Variants in AP1S3 observed in about 807,000 individuals in gnomAD.
The protein encoded by AP1S3 is AP-1 complex subunit sigma-3.
In AP1S3, 10 loss-of-function variants were observed where a neutral mutation model predicts 20.9. That is an observed-to-expected ratio of 0.48 (90% CI 0.29 to 0.81). The LOEUF (loss-of-function observed/expected upper bound fraction) is 0.81, where lower values mean the gene tolerates loss of function less well. Among genes scored for constraint, AP1S3 ranks in the 30% least tolerant of loss-of-function variants. The pLI is 0.08. For missense variants in AP1S3, 154 were observed against 183.8 expected (o/e 0.84, Z 0.94); for synonymous variants, 41 against 61.5 (o/e 0.67, Z 1.56).
At chr2:223,775,397 G>A (rs1262758323) in intron 3 of AP1S3, among the ~76,000 whole-genome samples, 2 of 152,122 alleles carry the variant, frequency 1.3e-5, no homozygotes, top group Non-Finnish European at 2.9e-5. Flanking sequence ...CCAGAGAAAG[G>A]ATAAAAAGTC....
chr2:223,770,646 G>T (rs1690601764), intron 3 of AP1S3, among the ~76,000 whole-genome samples: 2 of 151,124 alleles, frequency 1.3e-5, no homozygotes, highest in Non-Finnish European at 1.5e-5. Context: ...CAACACAAAA[G>T]TGCTACCCTA....
At chr2:223,820,312 C>T (rs1202895920) in intron 1 of AP1S3, among the ~76,000 whole-genome samples, 2 of 152,060 alleles carry the variant, frequency 1.3e-5, no homozygotes, top group African/African-American at 4.8e-5. Context: ...CTTAAATATA[C>T]TTAATGGCTT....
intron 1 of AP1S3, among the ~76,000 whole-genome samples, chr2:223,824,342 T>A (rs4674820): frequency 0.49 from 74,638 of 151,776 alleles, 18,426 homozygotes; most frequent in Middle Eastern, 0.57. Context: ...TATCCAAAAA[T>A]GATACATGAG....
At chr2:223,759,963 C>T (rs1358912685) in intron 4 of AP1S3, among the ~76,000 whole-genome samples, 1 of 152,130 alleles carries the variant, frequency 6.6e-6, no homozygotes, top group East Asian at 1.9e-4. Context: ...TCTTTTCATA[C>T]TGTCCATCAG....
intron 1 of AP1S3, among the ~76,000 whole-genome samples, chr2:223,822,632 C>T (rs620393): frequency 0.041 from 6,296 of 151,812 alleles, 185 homozygotes; most frequent in East Asian, 0.16. Context: ...TGCAGTGAGC[C>T]GAGATCGCGC....
At chr2:223,807,214 C>G (rs910934383) in intron 1 of AP1S3, among the ~76,000 whole-genome samples, 1 of 152,070 alleles carries the variant, frequency 6.6e-6, no homozygotes, top group African/African-American at 2.4e-5. Flanking sequence ...TTGCAGTCAG[C>G]CATGATCATG....
At chr2:223,776,249 T>G (rs895523663) in intron 2 of AP1S3, 4 of 590,354 alleles carry the variant, frequency 6.8e-6, no homozygotes, top group South Asian at 1.6e-5. Flanking sequence ...AAATTTTACC[T>G]TGAAGAGCTA....
intron 1 of AP1S3, among the ~76,000 whole-genome samples, chr2:223,788,379 G>A (rs1014804440): frequency 9.2e-5 from 14 of 151,978 alleles, no homozygotes; most frequent in Non-Finnish European, 1.9e-4. Context: ...CTGGGAGACC[G>A]AGGCGGGCAC....
At chr2:223,770,155 C>T (rs1000282677) in intron 3 of AP1S3, 3 of 1,538,216 alleles carry the variant, frequency 2.0e-6, no homozygotes, top group Admixed American at 4.2e-5. Flanking sequence ...ATAGATTAGA[C>T]ATCCATGTAC....
At chr2:223,814,369 T>C (rs1691797883) in intron 1 of AP1S3, among the ~76,000 whole-genome samples, 1 of 152,200 alleles carries the variant, frequency 6.6e-6, no homozygotes, top group South Asian at 2.1e-4. Flanking sequence ...CCCCATCTAG[T>C]TCATAGCCGG....
intron 1 of AP1S3, among the ~76,000 whole-genome samples, chr2:223,790,171 G>C (rs1691180981): frequency 6.6e-6 from 1 of 150,958 alleles, no homozygotes; most frequent in African/African-American, 2.4e-5. Context: ...TATCCATCAA[G>C]AGACATGACA....
Position 223,812,931 on chromosome 2 carries a change from G to GT in AP1S3, c.3+24516dup, listed in dbSNP as rs1026427278. Among the ~76,000 whole-genome samples the GT allele has an allele frequency of 1.0e-3, 150 of 148,244 alleles. 1 individual carries two copies. Among genetic ancestry groups the GT allele is most frequent in the East Asian group, 8.3e-3 (42 of 5,054 alleles). On this transcript the variant is annotated intron_variant, in intron 1 of 4. Transcript: ENST00000396654. ...GTTGCCATTTTGTGTGGGGTTTTTT[G>GT]TTTTTTTTTTAATTTGAGATAGAGT...
intron 1 of AP1S3, among the ~76,000 whole-genome samples, chr2:223,793,215 T>C (rs904581349): frequency 1.3e-5 from 2 of 152,182 alleles, no homozygotes; most frequent in African/African-American, 4.8e-5. Flanking sequence ...AGCAACTCCA[T>C]TACTGGGTAT....
chr2:223,798,345 T>C lies in AP1S3; in HGVS notation c.4-20476A>G, dbSNP rs1384401630. The stretch of plus-strand genomic sequence containing the variant: ...GGTGGCAGAACTAGCTACTGTGAAA[T>C]GTTCAGGGAAAGGCAAATTAAGTGG... On this transcript the variant is annotated intron_variant, in intron 1 of 4. Transcript: ENST00000396654. 2.0e-5 allele frequency among the ~76,000 whole-genome samples: 3 copies of C among 152,232 alleles called. No individual in the cohort carries two copies. The South Asian group carries it at 6.2e-4, about 32-fold the overall frequency.
intron 1 of AP1S3, among the ~76,000 whole-genome samples, chr2:223,783,037 GA>G (rs929187741): frequency 2.0e-5 from 3 of 151,742 alleles, no homozygotes; most frequent in Non-Finnish European, 2.9e-5. Flanking sequence ...TTGAGAGTAG[GA>G]AAAAAAAGGC....
At chr2:223,811,374 C>T (rs1050611440) in intron 1 of AP1S3, among the ~76,000 whole-genome samples, 1 of 152,008 alleles carries the variant, frequency 6.6e-6, no homozygotes, top group Non-Finnish European at 1.5e-5. Flanking sequence ...TCAAGACCAG[C>T]CTGGCCAACA....
chr2:223,765,053 AGTT>A (rs957594798), intron 4 of AP1S3, 157 bp downstream of exon 4: 7 of 1,040,986 alleles, frequency 6.7e-6, no homozygotes, highest in Non-Finnish European at 7.7e-6. Context: ...TACTTTTTCG[AGTT>A]GTTGTGAGGA....
chr2:223,770,531 C>CACACACACACA (rs3220046), intron 3 of AP1S3, among the ~76,000 whole-genome samples: 2 of 147,362 alleles, frequency 1.4e-5, no homozygotes, highest in Non-Finnish European at 1.5e-5. Context: ...CACACACACA[C>CACACACACACA]CCCTTGATAT....
intron 1 of AP1S3, among the ~76,000 whole-genome samples, chr2:223,832,859 A>G (rs1245268355): frequency 4.0e-5 from 6 of 148,980 alleles, no homozygotes; most frequent in Admixed American, 1.3e-4. Context: ...TTTCAAACTT[A>G]AATATCTTCT....
Sources: allele counts gnomAD v4.1 joint callset (sites outside exome capture counted in the v4.1 genomes callset), GRCh38; gene constraint gnomAD v4.1.1; transcripts MANE v1.5; gene names NCBI Gene and HGNC (gene_info 2026-07-23, HGNC 2026-07-21).